Variants in ASIC2 observed in about 807,000 individuals in gnomAD.
ASIC2 encodes the protein acid-sensing ion channel 2.
In ASIC2, 25 loss-of-function variants were observed where a neutral mutation model predicts 57.3. The ratio of observed to expected loss-of-function variants is 0.44; its 90% confidence interval spans 0.32 to 0.61. The LOEUF is 0.61. ASIC2 is among the 20% of genes least tolerant of loss of function. The pLI, the probability that ASIC2 is intolerant of heterozygous loss-of-function variation, is 0.06. For synonymous variants in ASIC2, 319 were observed against 307.5 expected (o/e 1.04, Z -0.39); for missense variants, 641 against 738.1 (o/e 0.87, Z 1.52).
At chr17:33,111,473 A>C (rs1376790807) in intron 2 of ASIC2, among the ~76,000 whole-genome samples, 2 of 152,156 alleles carry the variant, frequency 1.3e-5, no homozygotes, top group Non-Finnish European at 2.9e-5. Flanking sequence ...ATCCTTTGGT[A>C]TTCCAACACT....
intron 1 of ASIC2, among the ~76,000 whole-genome samples, chr17:33,711,850 G>C (rs1235073111): frequency 6.6e-6 from 1 of 152,150 alleles, no homozygotes; most frequent in Non-Finnish European, 1.5e-5. Flanking sequence ...TTTGGGTGGG[G>C]ACACAAAATC....
At chr17:33,798,059 G>C (rs1476721596) in intron 1 of ASIC2, among the ~76,000 whole-genome samples, 1 of 152,194 alleles carries the variant, frequency 6.6e-6, no homozygotes, top group Non-Finnish European at 1.5e-5. Flanking sequence ...TGGGAAACAG[G>C]ATGGGAAAAG....
chr17:33,778,694 G>A (rs1047908146), intron 1 of ASIC2, among the ~76,000 whole-genome samples: 8 of 152,268 alleles, frequency 5.3e-5, no homozygotes, highest in African/African-American at 1.9e-4. Context: ...CATTGGGCAA[G>A]TGACTCAACC....
In ASIC2 at chr17:34,109,198, CTTA is replaced by C. The variant is rs201809944; in HGVS notation, c.555+46777_555+46779del. ...TTATCTTTTCTGGCAACTTCTGTAACTTATTATTTTGTTTTCTGTTTAACTCTT... is the reference window on the plus strand; with the variant it reads ...TTATCTTTTCTGGCAACTTCTGTAACTTATTTTGTTTTCTGTTTAACTCTT... On this transcript the variant is annotated intron_variant, in intron 1 of 9. Transcript: ENST00000359872. Among the ~76,000 whole-genome samples, 10 of 152,110 alleles carry C rather than the reference CTTA, an allele frequency of 6.6e-5. No individual in the cohort carries two copies. The East Asian group carries it at 1.2e-3, about 18-fold the overall frequency.
chr17:33,468,624 C>A (rs186266224), intron 1 of ASIC2, among the ~76,000 whole-genome samples: 66 of 151,542 alleles, frequency 4.4e-4, no homozygotes, highest in African/African-American at 1.5e-3. Context: ...TCATTTAATC[C>A]TCACCACAAC....
intron 1 of ASIC2, among the ~76,000 whole-genome samples, chr17:34,074,595 A>C (rs1909553058): frequency 6.6e-6 from 1 of 152,018 alleles, no homozygotes; most frequent in Admixed American, 6.6e-5. Flanking sequence ...GTTTATTGTT[A>C]AGCTCCATTC....
intron 1 of ASIC2, among the ~76,000 whole-genome samples, chr17:33,257,078 A>T (rs1176929977): frequency 1.3e-5 from 2 of 152,196 alleles, no homozygotes; most frequent in African/African-American, 4.8e-5. Flanking sequence ...CCCATCCCAG[A>T]GTGCTCTGAA....
At chr17:33,742,652 C>G (rs577118575) in intron 1 of ASIC2, among the ~76,000 whole-genome samples, 1 of 152,314 alleles carries the variant, frequency 6.6e-6, no homozygotes, top group East Asian at 1.9e-4. Context: ...TCACATGGAA[C>G]ACTCCTTGGA....
chr17:33,852,312 T>C (rs941785630), intron 1 of ASIC2, among the ~76,000 whole-genome samples: 14 of 152,206 alleles, frequency 9.2e-5, no homozygotes, highest in African/African-American at 4.8e-5. Context: ...ATGTTTTCTT[T>C]GTGGCAGGCA....
intron 1 of ASIC2, among the ~76,000 whole-genome samples, chr17:33,254,454 T>C (rs938592411): frequency 6.6e-6 from 1 of 152,176 alleles, no homozygotes; most frequent in Non-Finnish European, 1.5e-5. Flanking sequence ...AATAACTATA[T>C]ACCTCTGCTA....
At chr17:33,852,249 A>G (rs888517540) in intron 1 of ASIC2, among the ~76,000 whole-genome samples, 1 of 152,118 alleles carries the variant, frequency 6.6e-6, no homozygotes, top group Non-Finnish European at 1.5e-5. Context: ...AAAGCAGTTC[A>G]CTCCTTCTTG....
At chr17:33,840,282 G>A (rs1269365661) in intron 1 of ASIC2, among the ~76,000 whole-genome samples, 1 of 152,158 alleles carries the variant, frequency 6.6e-6, no homozygotes, top group Non-Finnish European at 1.5e-5. Context: ...AGTGTTAGGG[G>A]AGCCCAGTGT....
chr17:33,514,248 C>T (rs1048212746), intron 1 of ASIC2, among the ~76,000 whole-genome samples: 2 of 152,066 alleles, frequency 1.3e-5, no homozygotes, highest in South Asian at 4.2e-4. Flanking sequence ...GAACTGAGGC[C>T]CTGGATTTCA....
chr17:34,075,780 T>G (rs957939653), intron 1 of ASIC2, among the ~76,000 whole-genome samples: 3 of 151,604 alleles, frequency 2.0e-5, no homozygotes, highest in African/African-American at 7.3e-5. Context: ...CAGAATGCTC[T>G]TCCTCCAGAC....
At chr17:34,005,374 G>A (rs1306046286) in intron 1 of ASIC2, 1 of 151,954 alleles carries the variant, frequency 6.6e-6, no homozygotes, top group African/African-American at 2.4e-5. Context: ...TCTACAGTGA[G>A]TATGGATTAT....
At chr17:33,999,287 T>C (rs1307884729) in intron 1 of ASIC2, among the ~76,000 whole-genome samples, 1 of 152,174 alleles carries the variant, frequency 6.6e-6, no homozygotes, top group Non-Finnish European at 1.5e-5. Flanking sequence ...AGGCAGCATA[T>C]AGTTGGGTCT....
At chr17:33,763,542 A>G (rs1309826942) in intron 1 of ASIC2, among the ~76,000 whole-genome samples, 1 of 151,924 alleles carries the variant, frequency 6.6e-6, no homozygotes, top group Non-Finnish European at 1.5e-5. Flanking sequence ...TTGCCAGGGG[A>G]GGGTTATGCT....
At chr17:33,600,533 A>G (rs911561455) in intron 1 of ASIC2, among the ~76,000 whole-genome samples, 2 of 152,232 alleles carry the variant, frequency 1.3e-5, no homozygotes, top group Non-Finnish European at 2.9e-5. Context: ...GGTAATGGGT[A>G]GAGGTTGGCA....
At chr17:33,930,845 G>A (rs1209725080) in intron 1 of ASIC2, among the ~76,000 whole-genome samples, 3 of 152,184 alleles carry the variant, frequency 2.0e-5, no homozygotes, top group East Asian at 1.9e-4. Flanking sequence ...GGGGAGAGCC[G>A]GGGCCCAGAT....
Sources: allele counts gnomAD v4.1 joint callset (sites outside exome capture counted in the v4.1 genomes callset), GRCh38; gene constraint gnomAD v4.1.1; transcripts MANE v1.5; gene names NCBI Gene and HGNC (gene_info 2026-07-23, HGNC 2026-07-21).